The following SIMC1 variants were observed in gnomAD, a reference collection of about 807,000 sequenced individuals.
The protein encoded by SIMC1 is SUMO-interacting motif-containing protein 1.
SIMC1 carries 55 observed loss-of-function variants against 82.3 expected under a neutral mutation model. The observed-to-expected ratio is 0.67, with a 90% CI of 0.54 to 0.84. The LOEUF is 0.84. Among genes scored for constraint, SIMC1 ranks in the 40% least tolerant of loss-of-function variants. SIMC1 has a pLI of 0.00. For missense variants in SIMC1, 915 were observed against 1,107.2 expected (o/e 0.83, Z 2.46); for synonymous variants, 353 against 426.3 (o/e 0.83, Z 2.12).
rs373844946 is a variant in SIMC1 at position 176,295,272 on chromosome 5, G to A, written c.1664+10G>A. 25 of 1,604,920 alleles carry A rather than the reference G, an allele frequency of 1.6e-5. No homozygotes were observed. Among genetic ancestry groups the A allele is most frequent in the Admixed American group, 1.4e-4 (8 of 58,002 alleles). ...TCATGAAAATTCAACAGTATGAACC[G>A]TAACCTCTGGCTGTTGGCGAATCTT... On this transcript the variant is annotated intron_variant, in intron 3 of 9. Coordinates refer to ENST00000429602, the MANE Select transcript of SIMC1 (RefSeq NM_001308195.2).
At chr5:176,305,502 C>T (rs1391185936) in intron 4 of SIMC1, among the ~76,000 whole-genome samples, 3 of 123,340 alleles carry the variant, frequency 2.4e-5, no homozygotes, top group Non-Finnish European at 3.5e-5. Flanking sequence ...CCCCTCAGCC[C>T]GGCCAGCCAC....
rs199711668 is a variant in SIMC1 at position 176,345,424 on chromosome 5, A to G, written c.2655A>G (p.Gln885=). ...TGAACCCTGATGCAGAGCCCTTTCA[A>G]AAGGGCTGGAGCGGCTCCTGAGGGC... ...ADLNPDAEPF[Q]KGWSGS The change falls in exon 10 of 10, where the codon CAA becomes CAG. Residue 885 remains glutamine, a synonymous_variant. Coordinates refer to ENST00000429602, the MANE Select transcript of SIMC1 (RefSeq NM_001308195.2). 6.8e-6 allele frequency: 11 copies of G among 1,613,736 alleles called. No individual in the cohort carries two copies. In the Admixed American group the frequency reaches 1.2e-4, roughly 17 times the overall value.
intron 1 of SIMC1, among the ~76,000 whole-genome samples, chr5:176,256,308 A>AAT (rs1358841181): frequency 1.3e-5 from 2 of 152,104 alleles, no homozygotes; most frequent in African/African-American, 2.4e-5. Context: ...TGTGTATATA[A>AAT]ATATATATAC....
In SIMC1 at chr5:176,290,848, G is replaced by A. The variant is rs776994101; in HGVS notation, c.1324G>A (p.Gly442Ser). 7 of 1,613,602 alleles carry A rather than the reference G, an allele frequency of 4.3e-6. No homozygotes were observed. The highest frequency in any genetic ancestry group is 5.9e-6 in the Non-Finnish European group (7 of 1,179,748). Residue 442 changes from glycine to serine, a missense_variant, in exon 2 of 10, where the codon GGT becomes AGT. By Grantham distance (56) the Gly-to-Ser change is moderately conservative. Coordinates refer to ENST00000429602, the MANE Select transcript of SIMC1 (RefSeq NM_001308195.2). Reference sequence around the variant, plus strand: ...CCACGTACAATCACGAACACCACAAGGTGGGTTGTACAACAGACCATGCCT... The same window carrying A: ...CCACGTACAATCACGAACACCACAAAGTGGGTTGTACAACAGACCATGCCT... ...SAHVQSRTPQ[G>S]GLYNRPCLHR...
At chr5:176,312,407 G>T (rs1401766054) in intron 4 of SIMC1, among the ~76,000 whole-genome samples, 1 of 151,966 alleles carries the variant, frequency 6.6e-6, no homozygotes, top group Non-Finnish European at 1.5e-5. Flanking sequence ...CTGGTGGCAG[G>T]CACCTATAAT....
At chr5:176,305,711 G>A (rs1173538118) in intron 4 of SIMC1, among the ~76,000 whole-genome samples, 1 of 94,244 alleles carries the variant, frequency 1.1e-5, no homozygotes, top group African/African-American at 4.3e-5. Flanking sequence ...GGAGGTGGGG[G>A]GGTCAGCCCC....
At chr5:176,324,811 A>C (rs1765307574) in intron 7 of SIMC1, 54 bp downstream of exon 7, 5 of 1,488,910 alleles carry the variant, frequency 3.4e-6, no homozygotes, top group African/African-American at 2.9e-5. Flanking sequence ...AACAAAAAAA[A>C]CTCTTGGAAA....
rs113859216 is a variant in SIMC1 at position 176,282,391 on chromosome 5, G to C, written c.130-7263G>C. On this transcript the variant is annotated intron_variant, in intron 1 of 9. Transcript: ENST00000429602. ...CTGACCCCTTGCGCTTCCGGAGTGA[G>C]GCAATGCCTCGCCCTGCTTCGGCTC... is the stretch of plus-strand genomic sequence containing the variant. 9.2e-5 allele frequency among the ~76,000 whole-genome samples: 14 copies of C among 152,354 alleles called. 3 individuals carry two copies. Among genetic ancestry groups the C allele is most frequent in the African/African-American group, 3.4e-4 (14 of 41,592 alleles).
chr5:176,263,422 A>G, intron 1 of SIMC1: 1 of 1,541,814 alleles, frequency 6.5e-7, no homozygotes, highest in Non-Finnish European at 8.7e-7. Context: ...TGCAGGCTGA[A>G]CAAGAAGCAT....
At chr5:176,292,276 T>C (rs1235598603) in intron 2 of SIMC1, among the ~76,000 whole-genome samples, 2 of 152,160 alleles carry the variant, frequency 1.3e-5, no homozygotes, top group Non-Finnish European at 2.9e-5. Context: ...CTAGATGTGT[T>C]AGGGAAAATA....
At chr5:176,260,387 A>C (rs2113144023) in intron 1 of SIMC1, among the ~76,000 whole-genome samples, 1 of 152,268 alleles carries the variant, frequency 6.6e-6, no homozygotes, top group East Asian at 1.9e-4. Flanking sequence ...GGTACACCAA[A>C]ACCTCACAAA....
chr5:176,337,072 G>A lies in SIMC1; in HGVS notation c.2339G>A (p.Ser780Asn). ...TSLLKCQSDK[S>N]QWQTWDELVE... ...TTACTATCTCTGCAGTCAGATAAAA[G>A]CCAGTGGCAGACTTGGGACGAATTG... Residue 780 changes from serine (S) to asparagine (N), a missense_variant, in exon 9 of 10, where the codon AGC becomes AAC. Coordinates refer to ENST00000429602, the MANE Select transcript of SIMC1 (RefSeq NM_001308195.2). The A allele has an allele frequency of 6.2e-7, 1 of 1,613,988 alleles. No individual in the cohort carries two copies. The highest frequency in any genetic ancestry group is 8.5e-7 in the Non-Finnish European group (1 of 1,179,868).
chr5:176,280,815 G>A (rs1431123371), intron 1 of SIMC1, among the ~76,000 whole-genome samples: 1 of 152,136 alleles, frequency 6.6e-6, no homozygotes, highest in African/African-American at 2.4e-5. Flanking sequence ...TAGTCTGGTG[G>A]GCTTCCCTTT....
chr5:176,318,485 C>A (rs867883816), intron 5 of SIMC1, among the ~76,000 whole-genome samples: 2 of 152,204 alleles, frequency 1.3e-5, no homozygotes, highest in African/African-American at 4.8e-5. Context: ...CTCCTTCAAT[C>A]TAGATCACTC....
chr5:176,244,441 G>A (rs575584909), intron 1 of SIMC1, among the ~76,000 whole-genome samples: 40 of 148,820 alleles, frequency 2.7e-4, no homozygotes, highest in Admixed American at 5.4e-4. Context: ...TCTTGTTAGC[G>A]CATAGGTTAT....
chr5:176,260,396 A>G (rs1561675592), intron 1 of SIMC1, among the ~76,000 whole-genome samples: 1 of 152,088 alleles, frequency 6.6e-6, no homozygotes, highest in Non-Finnish European at 1.5e-5. Context: ...AAACCTCACA[A>G]ATCACCACTA....
chr5:176,342,326 T>C (rs1766185292), intron 9 of SIMC1, among the ~76,000 whole-genome samples: 1 of 152,218 alleles, frequency 6.6e-6, no homozygotes, highest in Admixed American at 6.5e-5. Context: ...CTCCACATTA[T>C]AATGTGGCCT....
intron 1 of SIMC1, among the ~76,000 whole-genome samples, chr5:176,284,775 A>G (rs1581253145): frequency 6.6e-6 from 1 of 152,142 alleles, no homozygotes; most frequent in Non-Finnish European, 1.5e-5. Flanking sequence ...GGTTATCACC[A>G]CCGATCCCAC....
In SIMC1 at chr5:176,313,324, CT is replaced by C. The variant is rs950318148; in HGVS notation, c.1735-365del. ...AGGTTCAGTGAGAGGGAGAGATTGA[CT>C]TCCCATGGCTGCCTCTTAAATCAAA... is the stretch of plus-strand genomic sequence containing the variant. On this transcript the variant is annotated intron_variant, in intron 4 of 9. Transcript: ENST00000429602. 3.4e-6 allele frequency: 5 copies of C among 1,467,616 alleles called. No homozygotes were observed. In the African/African-American group the frequency reaches 4.3e-5, roughly 13 times the overall value. 90.9% of individuals were successfully genotyped at this position (1,467,616 alleles called of 1,614,324 possible). A position where few individuals can be genotyped will look rare whatever the true frequency, so the allele number is the denominator to read the frequency against.
Sources: allele counts gnomAD v4.1 joint callset (sites outside exome capture counted in the v4.1 genomes callset), GRCh38; gene constraint gnomAD v4.1.1; transcripts MANE v1.5; gene names NCBI Gene and HGNC (gene_info 2026-07-23, HGNC 2026-07-21).